Variants in LRRC8D observed in about 807,000 individuals in gnomAD.
The protein encoded by LRRC8D is leucine rich repeat containing 8 VRAC subunit D.
In LRRC8D, 20 loss-of-function variants were observed where a neutral mutation model predicts 55.8. The observed-to-expected ratio is 0.36, with a 90% confidence interval of 0.25 to 0.52. LRRC8D has a LOEUF of 0.52. Among genes scored for constraint, LRRC8D ranks in the 20% least tolerant of loss-of-function variants. The pLI, the probability that LRRC8D is intolerant of heterozygous loss-of-function variation, is 0.93. For missense variants in LRRC8D, 651 were observed against 1,030.8 expected, an observed-to-expected ratio of 0.63 and a Z score of 5.05; for synonymous variants, 352 against 377.0, an observed-to-expected ratio of 0.93 and a Z score of 0.77.
chr1:89,912,651 G>A (rs1488108460), intron 2 of LRRC8D, among the ~76,000 whole-genome samples: 2 of 151,920 alleles, frequency 1.3e-5, no homozygotes, highest in Non-Finnish European at 2.9e-5. Context: ...GTCTTACCCT[G>A]TTAATTTGTT....
intron 2 of LRRC8D, among the ~76,000 whole-genome samples, chr1:89,902,987 A>G (rs1247953930): frequency 6.6e-6 from 1 of 152,216 alleles, no homozygotes; most frequent in Non-Finnish European, 1.5e-5. Context: ...TGCACGGGGC[A>G]CTGTGCTAAG....
chr1:89,871,097 A>G (rs1661995832), intron 2 of LRRC8D, among the ~76,000 whole-genome samples: 1 of 152,198 alleles, frequency 6.6e-6, no homozygotes, highest in African/African-American at 2.4e-5. Flanking sequence ...TTGCAAAGTT[A>G]TGTAAGTTGT....
At chr1:89,824,730 T>C (rs571560961) in intron 1 of LRRC8D, among the ~76,000 whole-genome samples, 1 of 152,240 alleles carries the variant, frequency 6.6e-6, no homozygotes, top group Non-Finnish European at 1.5e-5. Context: ...CACAGTCTTT[T>C]ATTGGGATGT....
At position 89,923,898 on chromosome 1, in the gene LRRC8D, C is replaced by G. The variant is rs139945021; in HGVS notation, c.-2-9169C>G. 5.4e-3 allele frequency among the ~76,000 whole-genome samples: 830 copies of G among 152,294 alleles called. 2 individuals are homozygous for G. The highest frequency in any genetic ancestry group is 8.9e-3 in the Non-Finnish European group (607 of 68,024). Reference sequence around the variant, plus strand: ...CTTATGCAGAAGATTGAAACTGGACCCCGTCCTTTCACCATATACAAAAAC... The same window carrying G: ...CTTATGCAGAAGATTGAAACTGGACGCCGTCCTTTCACCATATACAAAAAC... On this transcript the variant is annotated intron_variant, in intron 2 of 2. Transcript: ENST00000337338.
At chr1:89,872,371 G>T (rs1053858643) in intron 2 of LRRC8D, among the ~76,000 whole-genome samples, 5 of 152,192 alleles carry the variant, frequency 3.3e-5, no homozygotes, top group African/African-American at 1.2e-4. Flanking sequence ...ACTGCCCAGT[G>T]GGGTGGAAAG....
chr1:89,869,769 C>A (rs1044417685), intron 2 of LRRC8D, among the ~76,000 whole-genome samples: 3 of 152,174 alleles, frequency 2.0e-5, no homozygotes, highest in Non-Finnish European at 4.4e-5. Flanking sequence ...TCGGCAGAAA[C>A]CCTACAAGCC....
At chr1:89,830,311 T>A (rs1660857268) in intron 1 of LRRC8D, among the ~76,000 whole-genome samples, 2 of 152,184 alleles carry the variant, frequency 1.3e-5, no homozygotes, top group Admixed American at 1.3e-4. Context: ...GTTTTATACA[T>A]CTTGCACAAA....
chr1:89,890,174 C>G (rs1339671401), intron 2 of LRRC8D, among the ~76,000 whole-genome samples: 1 of 151,820 alleles, frequency 6.6e-6, no homozygotes, highest in Non-Finnish European at 1.5e-5. Context: ...GGCGACAGAG[C>G]AAGACTCTGT....
At chr1:89,826,337 T>C (rs1244167695) in intron 1 of LRRC8D, among the ~76,000 whole-genome samples, 1 of 152,112 alleles carries the variant, frequency 6.6e-6, no homozygotes, top group African/African-American at 2.4e-5. Context: ...CGATCTCAGC[T>C]CACTGCAAGC....
intron 2 of LRRC8D, among the ~76,000 whole-genome samples, chr1:89,887,623 T>A (rs1044223225): frequency 3.3e-5 from 5 of 152,240 alleles, no homozygotes; most frequent in African/African-American, 1.2e-4. Context: ...TTGAATTTTT[T>A]AATCAAATTA....
At chr1:89,874,028 G>C (rs2816854) in intron 2 of LRRC8D, among the ~76,000 whole-genome samples, 1 of 152,156 alleles carries the variant, frequency 6.6e-6, no homozygotes, top group South Asian at 2.1e-4. Flanking sequence ...ATCACAAATG[G>C]GATAGTCTAA....
At chr1:89,851,566 A>G (rs1397157620) in intron 2 of LRRC8D, among the ~76,000 whole-genome samples, 1 of 151,344 alleles carries the variant, frequency 6.6e-6, no homozygotes, top group Admixed American at 6.6e-5. Context: ...CTGGAGTGCA[A>G]TGGCACAATC....
At chr1:89,903,581 A>G (rs986373356) in intron 2 of LRRC8D, among the ~76,000 whole-genome samples, 14 of 152,170 alleles carry the variant, frequency 9.2e-5, no homozygotes, top group African/African-American at 3.4e-4. Context: ...TAGATATTTT[A>G]TCTCCCTTAA....
rs78578279 is a variant in LRRC8D at position 89,889,008 on chromosome 1, G to A, written c.-2-44059G>A. Among the ~76,000 whole-genome samples, 595 of 152,284 alleles carry A rather than the reference G, an allele frequency of 3.9e-3. 8 individuals are homozygous for A. Among genetic ancestry groups the A allele is most frequent in the East Asian group, 0.032 (166 of 5,192 alleles). The stretch of plus-strand genomic sequence containing the variant: ...GTTATAATACTTGTCATTTCCTTAA[G>A]TGTGGGCTGTGCATGGTGACTTCCC... On this transcript the variant is annotated intron_variant, in intron 2 of 2. Transcript: ENST00000337338.
At chr1:89,870,612 G>A (rs1661983811) in intron 2 of LRRC8D, among the ~76,000 whole-genome samples, 1 of 152,074 alleles carries the variant, frequency 6.6e-6, no homozygotes, top group Non-Finnish European at 1.5e-5. Flanking sequence ...TCTTAAGTTG[G>A]TGCATTTAGA....
chr1:89,842,872 C>G (rs1186678446), intron 1 of LRRC8D, among the ~76,000 whole-genome samples: 1 of 152,108 alleles, frequency 6.6e-6, no homozygotes, highest in Non-Finnish European at 1.5e-5. Flanking sequence ...ATGCACCATG[C>G]GATTATGCTC....
chr1:89,833,431 G>A (rs1167998536), intron 1 of LRRC8D, among the ~76,000 whole-genome samples: 1 of 152,160 alleles, frequency 6.6e-6, no homozygotes, highest in Non-Finnish European at 1.5e-5. Context: ...AACCCATCTT[G>A]TTTTACCTTT....
intron 2 of LRRC8D, among the ~76,000 whole-genome samples, chr1:89,928,563 G>A (rs1452395203): frequency 6.6e-6 from 1 of 152,192 alleles, no homozygotes; most frequent in Non-Finnish European, 1.5e-5. Flanking sequence ...CTCATCTGAG[G>A]TTGGAGTGGT....
intron 2 of LRRC8D, among the ~76,000 whole-genome samples, chr1:89,875,041 G>A (rs923478062): frequency 1.3e-5 from 2 of 152,066 alleles, no homozygotes; most frequent in Non-Finnish European, 2.9e-5. Flanking sequence ...ATTATTTAGT[G>A]GGGGGAATAT....
Sources: gnomAD v4.1 joint callset for allele counts (sites outside exome capture counted in the v4.1 genomes callset) on GRCh38, gnomAD v4.1.1 for gene constraint, MANE v1.5 for transcripts, NCBI Gene and HGNC (gene_info 2026-07-23, HGNC 2026-07-21) for gene names.